Variants in MFSD11 observed in about 807,000 individuals in gnomAD.
MFSD11 encodes the protein UNC93-like protein MFSD11.
In MFSD11, 36 loss-of-function variants were observed where a neutral mutation model predicts 53.5. The ratio of observed to expected loss-of-function variants is 0.67; its 90% confidence interval spans 0.52 to 0.89. The LOEUF (loss-of-function observed/expected upper bound fraction) is 0.89. MFSD11 is among the 40% of genes least tolerant of loss of function. The pLI, the probability that MFSD11 is intolerant of heterozygous loss-of-function variation, is 0.00. For synonymous variants in MFSD11, 186 were observed against 184.9 expected (o/e 1.01, Z -0.05); for missense variants, 530 against 543.9 (o/e 0.97, Z 0.25).
At chr17:76,779,483 A>ATTAT (rs1230886627), downstream of MFSD11, among the ~76,000 whole-genome samples, 2 of 151,566 alleles carry the variant, frequency 1.3e-5, no homozygotes, top group Non-Finnish European at 1.5e-5. Context: ...AAATTTATTT[A>ATTAT]TTATTTATTT....
chr17:76,738,112 G>T, upstream of MFSD11: 1 of 502,768 alleles, frequency 2.0e-6, no homozygotes, highest in African/African-American at 2.0e-5. Flanking sequence ...GCGCTTCTCC[G>T]GGGGTTGTGC....
At chr17:76,750,190 G>GTTA (rs2078931912) in intron 7 of MFSD11, among the ~76,000 whole-genome samples, 2 of 152,048 alleles carry the variant, frequency 1.3e-5, no homozygotes, top group African/African-American at 4.8e-5. Flanking sequence ...GTTAATTGGG[G>GTTA]CCTGAAGGGT....
At chr17:76,737,044 G>A (rs999131144), upstream of MFSD11, 2 of 1,613,328 alleles carry the variant, frequency 1.2e-6, no homozygotes, top group Non-Finnish European at 8.5e-7. Flanking sequence ...CGTCGCCGAC[G>A]CGCCCGTACT....
intron 8 of MFSD11, 192 bp downstream of exon 8, chr17:76,754,279 GGTATGACTGCCCACCTGCCC>G: frequency 1.8e-6 from 1 of 541,734 alleles, no homozygotes; most frequent in Non-Finnish European, 3.3e-6. Context: ...GATGGATGAT[GGTATGACTGCCCACCTGCCC>G]AGGTGTGTGA....
chr17:76,798,567 C>A, the MFSD11 span, among the ~76,000 whole-genome samples: 1 of 152,164 alleles, frequency 6.6e-6, no homozygotes, highest in African/African-American at 2.4e-5. Flanking sequence ...ACCAAAGACA[C>A]TCCTGTCTTT....
intron 7 of MFSD11, among the ~76,000 whole-genome samples, chr17:76,749,595 T>TA (rs1289166352): frequency 1.3e-5 from 2 of 148,680 alleles, no homozygotes; most frequent in Admixed American, 1.3e-4. Context: ...GTTCTTGAAA[T>TA]AAAAAAATAA....
At chr17:76,750,591 C>T (rs546688277) in intron 7 of MFSD11, among the ~76,000 whole-genome samples, 2 of 152,014 alleles carry the variant, frequency 1.3e-5, no homozygotes, top group South Asian at 2.1e-4. Context: ...CTCCTGACCT[C>T]GTGATCCGCC....
intron 8 of MFSD11, among the ~76,000 whole-genome samples, chr17:76,759,781 TTTTTTGTA>T (rs1225832507): frequency 7.5e-6 from 1 of 133,838 alleles, no homozygotes; most frequent in Non-Finnish European, 1.6e-5. Flanking sequence ...TTTTTTTTTT[TTTTTTGTA>T]TTTTTAGTAG....
At chr17:76,777,223 G>A (rs528552141) in intron 12 of MFSD11, among the ~76,000 whole-genome samples, 35 of 150,224 alleles carry the variant, frequency 2.3e-4, no homozygotes, top group East Asian at 4.0e-4. Context: ...AGCCCAGACC[G>A]CGCCACTGCA....
intron 8 of MFSD11, among the ~76,000 whole-genome samples, chr17:76,760,402 G>T (rs867486586): frequency 6.6e-6 from 1 of 152,134 alleles, no homozygotes; most frequent in African/African-American, 2.4e-5. Context: ...GAGGGGGTTG[G>T]TCTTGCTGTC....
At chr17:76,786,450 C>T in the MFSD11 span, among the ~76,000 whole-genome samples, 1 of 152,072 alleles carries the variant, frequency 6.6e-6, no homozygotes, top group Non-Finnish European at 1.5e-5. Flanking sequence ...CTGAGGACCA[C>T]CTCTTAACTT....
chr17:76,796,838 G>T, the MFSD11 span, among the ~76,000 whole-genome samples: 1 of 139,256 alleles, frequency 7.2e-6, no homozygotes, highest in African/African-American at 2.7e-5. Context: ...AAATTAGCTG[G>T]ATATGGTGGC....
At chr17:76,736,738 G>A (rs901491098), upstream of MFSD11, 6 of 1,386,398 alleles carry the variant, frequency 4.3e-6, no homozygotes, top group Admixed American at 3.4e-5. Flanking sequence ...ACCTTTGTGA[G>A]GTCGCCCGGG....
downstream of MFSD11, among the ~76,000 whole-genome samples, chr17:76,782,422 G>A (rs1307380960): frequency 2.7e-5 from 4 of 145,524 alleles, no homozygotes; most frequent in South Asian, 4.4e-4. Context: ...TGATCCACCC[G>A]TCTCAGCCTC....
the MFSD11 span, among the ~76,000 whole-genome samples, chr17:76,787,137 T>C: frequency 1.9e-4 from 28 of 149,838 alleles, no homozygotes; most frequent in South Asian, 1.9e-3. Flanking sequence ...TGATTTCTTT[T>C]TTTTTTTTTT....
Position 76,767,369 on chromosome 17 carries a change from A to T in MFSD11, c.683-17A>T. ...ACTAAAATCTAATTAAGTACTCTTA[A>T]ATTTTTGTGTTTACAGAAAAGTCTT... On this transcript the variant is annotated splice_polypyrimidine_tract_variant and intron_variant, in intron 8 of 12. Coordinates refer to ENST00000685175, the MANE Select transcript of MFSD11 (RefSeq NM_001242532.5). 6.5e-7 allele frequency: 1 copy of T among 1,539,208 alleles called. No homozygotes were observed. The highest frequency in any genetic ancestry group is 8.9e-7 in the Non-Finnish European group (1 of 1,118,384).
intron 7 of MFSD11, among the ~76,000 whole-genome samples, chr17:76,748,304 C>T (rs2078734829): frequency 6.6e-6 from 1 of 152,086 alleles, no homozygotes; most frequent in African/African-American, 2.4e-5. Flanking sequence ...TGATTAGAAG[C>T]TGTTGAGGGT....
At chr17:76,783,600 C>T (rs574873678), downstream of MFSD11, among the ~76,000 whole-genome samples, 19 of 152,196 alleles carry the variant, frequency 1.2e-4, no homozygotes, top group East Asian at 3.5e-3. Flanking sequence ...CTCTTGATGC[C>T]CAGGCTGGAG....
At chr17:76,752,055 G>A (rs1171494695) in intron 7 of MFSD11, among the ~76,000 whole-genome samples, 1 of 152,118 alleles carries the variant, frequency 6.6e-6, no homozygotes, top group Non-Finnish European at 1.5e-5. Context: ...TTTCTCCAAA[G>A]GAATCATAGA....
Sources: allele counts gnomAD v4.1 joint callset (sites outside exome capture counted in the v4.1 genomes callset), GRCh38; gene constraint gnomAD v4.1.1; transcripts MANE v1.5; gene names NCBI Gene and HGNC (gene_info 2026-07-23, HGNC 2026-07-21).